The following PRICKLE1 variants were observed in gnomAD, a reference collection of about 807,000 sequenced individuals.
PRICKLE1 encodes the protein prickle planar cell polarity protein 1.
In PRICKLE1, 14 loss-of-function variants were observed where a neutral mutation model predicts 70.2. That is an observed-to-expected ratio of 0.20 (90% CI 0.13 to 0.31). PRICKLE1 has a LOEUF of 0.31. Among genes scored for constraint, PRICKLE1 ranks in the 10% least tolerant of loss-of-function variants. The pLI, the probability that PRICKLE1 is intolerant of heterozygous loss-of-function variation, is 1.00. For synonymous variants in PRICKLE1, 357 were observed against 379.9 expected (o/e 0.94, Z 0.70); for missense variants, 821 against 1,026.2 (o/e 0.80, Z 2.73).
chr12:42,569,607 G>A (rs976807030), intron 1 of PRICKLE1, among the ~76,000 whole-genome samples: 1 of 152,206 alleles, frequency 6.6e-6, no homozygotes, highest in Non-Finnish European at 1.5e-5. Flanking sequence ...CAGCTGTGGC[G>A]ATAAGGAAAT....
chr12:42,531,307 A>C (rs1939914188), intron 1 of PRICKLE1, among the ~76,000 whole-genome samples: 1 of 151,940 alleles, frequency 6.6e-6, no homozygotes, highest in African/African-American at 2.4e-5. Context: ...CGGCCTCCCA[A>C]AGTGCTGGGA....
chr12:42,546,078 TAGG>T (rs1018414385), intron 1 of PRICKLE1, among the ~76,000 whole-genome samples: 23 of 151,940 alleles, frequency 1.5e-4, no homozygotes, highest in African/African-American at 5.3e-4. Context: ...AGAAAATATA[TAGG>T]AGATCTTCCC....
intron 3 of PRICKLE1, 41 bp downstream of exon 3, chr12:42,470,205 T>C (rs748456500): frequency 1.1e-5 from 15 of 1,391,802 alleles, no homozygotes; most frequent in South Asian, 3.5e-5. Context: ...TCATGCATTT[T>C]TTCTTCTTTT....
chr12:42,508,329 A>C (rs1939454380), intron 1 of PRICKLE1, among the ~76,000 whole-genome samples: 1 of 152,200 alleles, frequency 6.6e-6, no homozygotes, highest in African/African-American at 2.4e-5. Flanking sequence ...CTATACCATT[A>C]CTTTAAACTT....
chr12:42,462,606 T>C (rs1024096461), intron 7 of PRICKLE1, among the ~76,000 whole-genome samples: 1 of 152,102 alleles, frequency 6.6e-6, no homozygotes, highest in African/African-American at 2.4e-5. Flanking sequence ...CAACTCCCCT[T>C]TATTGCCGGC....
intron 1 of PRICKLE1, among the ~76,000 whole-genome samples, chr12:42,576,124 A>G (rs1031736589): frequency 3.3e-5 from 5 of 152,226 alleles, no homozygotes; most frequent in African/African-American, 1.2e-4. Context: ...GGTGTGTTGA[A>G]AGGAAAACCA....
At chr12:42,486,608 AAG>A (rs142732469) in intron 1 of PRICKLE1, among the ~76,000 whole-genome samples, 2,335 of 152,318 alleles carry the variant, frequency 0.015, 71 homozygotes, top group East Asian at 0.088. Context: ...GTCTGGTAGA[AAG>A]AGATAAAGGA....
intron 3 of PRICKLE1, 195 bp from the exon 4 acceptor site, chr12:42,469,782 A>T: frequency 1.5e-6 from 1 of 652,608 alleles, no homozygotes; most frequent in Non-Finnish European, 2.6e-6. Context: ...ATGTGAAGGA[A>T]TACTTTTTTT....
At chr12:42,479,800 A>G (rs541539003) in intron 1 of PRICKLE1, among the ~76,000 whole-genome samples, 2 of 152,216 alleles carry the variant, frequency 1.3e-5, no homozygotes, top group East Asian at 1.9e-4. Flanking sequence ...TACTAAAAAT[A>G]CAAAATTAGC....
At chr12:42,470,821 G>A (rs1295482131) in intron 2 of PRICKLE1, among the ~76,000 whole-genome samples, 2 of 151,672 alleles carry the variant, frequency 1.3e-5, no homozygotes, top group African/African-American at 2.4e-5. Context: ...CAGGAGAATC[G>A]CTTGAACCTG....
Position 42,589,446 on chromosome 12 carries a change from G to A in PRICKLE1, c.-49+19C>T, listed in dbSNP as rs568399443. ...CAGCCCCCTCTGCGGAATCCGCCGG[G>A]ATCCAGGCTGCCACTCACCTCGCGC... On this transcript the variant is annotated intron_variant, in intron 1 of 7. Transcript: ENST00000345127. This position sits in a 1 kb window ranked among gnomAD's most constrained non-coding sequence, Gnocchi z 5.0. The A allele has an allele frequency of 4.9e-3, 742 of 152,482 alleles. 2 individuals carry two copies. The highest frequency in any genetic ancestry group is 7.6e-3 in the Non-Finnish European group (516 of 68,204). The allele number at this position is 152,482 out of a possible 1,614,324, so 9.4% of individuals were successfully genotyped here.
intron 1 of PRICKLE1, among the ~76,000 whole-genome samples, chr12:42,493,367 T>G (rs1939138117): frequency 6.6e-6 from 1 of 152,200 alleles, no homozygotes; most frequent in Non-Finnish European, 1.5e-5. Flanking sequence ...CCATAAAAAT[T>G]AAAAATTCAA....
chr12:42,517,522 C>T (rs1939632412), intron 1 of PRICKLE1, among the ~76,000 whole-genome samples: 1 of 151,994 alleles, frequency 6.6e-6, no homozygotes, highest in Non-Finnish European at 1.5e-5. Context: ...CCGTGTTAGC[C>T]AGGATGGTCT....
At chr12:42,553,508 T>C (rs1055098719) in intron 1 of PRICKLE1, among the ~76,000 whole-genome samples, 4 of 117,304 alleles carry the variant, frequency 3.4e-5, no homozygotes, top group Non-Finnish European at 6.6e-5. Context: ...GAAAGGCAAA[T>C]TGGCTCTAGA....
intron 1 of PRICKLE1, among the ~76,000 whole-genome samples, chr12:42,571,601 C>A (rs977865416): frequency 1.3e-5 from 2 of 152,128 alleles, no homozygotes; most frequent in Admixed American, 6.6e-5. Context: ...CTTTTCAGAC[C>A]CACCTGATGG....
intron 1 of PRICKLE1, among the ~76,000 whole-genome samples, chr12:42,544,419 C>A (rs1438656401): frequency 6.6e-6 from 1 of 152,230 alleles, no homozygotes; most frequent in Non-Finnish European, 1.5e-5. Flanking sequence ...TCTATCATCA[C>A]TAACAATTAA....
rs995513227 is a variant in PRICKLE1 at position 42,493,661 on chromosome 12, T to A, written c.-48-21097A>T. ...TACTCAGGATACCCTCCTTCTTGCC[T>A]ATCATCATTCAGTTACGTATTAGAT... On this transcript the variant is annotated intron_variant, in intron 1 of 7. Transcript: ENST00000345127. 3.9e-5 allele frequency among the ~76,000 whole-genome samples: 6 copies of A among 152,238 alleles called. No individual in the cohort carries two copies. The East Asian group carries it at 7.7e-4, about 20-fold the overall frequency.
intron 1 of PRICKLE1, among the ~76,000 whole-genome samples, chr12:42,544,006 T>G (rs1940163288): frequency 6.6e-6 from 1 of 152,176 alleles, no homozygotes; most frequent in African/African-American, 2.4e-5. Context: ...TAAGTGGAAG[T>G]GGATAATCAT....
chr12:42,537,806 C>A (rs1276779029), intron 1 of PRICKLE1, among the ~76,000 whole-genome samples: 2 of 152,190 alleles, frequency 1.3e-5, no homozygotes, highest in Non-Finnish European at 2.9e-5. Flanking sequence ...GATACACTCC[C>A]AAAATGGCAT....
Sources: allele counts gnomAD v4.1 joint callset (sites outside exome capture counted in the v4.1 genomes callset), GRCh38; gene constraint gnomAD v4.1.1; non-coding constraint Gnocchi (gnomAD v3.1); transcripts MANE v1.5; gene names NCBI Gene and HGNC (gene_info 2026-07-23, HGNC 2026-07-21).